The following MRRF variants were observed in gnomAD, a reference collection of about 807,000 sequenced individuals.
MRRF encodes the protein ribosome-recycling factor, mitochondrial.
A neutral mutation model predicts 25.1 loss-of-function variants in MRRF; 18 were observed. The observed-to-expected ratio is 0.72, with a 90% CI of 0.50 to 1.06. MRRF has a LOEUF of 1.06. Ranked by LOEUF, MRRF falls within the 50% of genes least tolerant of loss-of-function variation. The pLI is 0.00. For synonymous variants in MRRF, 113 were observed against 112.1 expected, an observed-to-expected ratio of 1.01 and a Z score of -0.05; for missense variants, 323 against 319.3, an observed-to-expected ratio of 1.01 and a Z score of -0.09.
intron 3 of MRRF, among the ~76,000 whole-genome samples, chr9:122,284,853 G>A (rs1450477974): frequency 2.6e-5 from 4 of 152,092 alleles, no homozygotes; most frequent in Admixed American, 6.5e-5. Flanking sequence ...TGGCCAGTAC[G>A]GCTCACTGTA....
intron 5 of MRRF, among the ~76,000 whole-genome samples, chr9:122,298,005 T>C (rs1235573056): frequency 2.6e-5 from 4 of 152,202 alleles, no homozygotes; most frequent in Non-Finnish European, 4.4e-5. Flanking sequence ...TACTCTATGA[T>C]TGAACTCACT....
chr9:122,306,262 G>A (rs1363828068), intron 5 of MRRF, among the ~76,000 whole-genome samples: 1 of 152,070 alleles, frequency 6.6e-6, no homozygotes, highest in Non-Finnish European at 1.5e-5. Context: ...ATCCTGTATG[G>A]CCTCCCTCAT....
chr9:122,276,564 G>A (rs148655939), intron 2 of MRRF, among the ~76,000 whole-genome samples: 6 of 152,292 alleles, frequency 3.9e-5, no homozygotes, highest in African/African-American at 1.4e-4. Context: ...AGTGTTTAAA[G>A]TTTTTCAAAC....
intron 4 of MRRF, among the ~76,000 whole-genome samples, chr9:122,290,396 C>T (rs974108643): frequency 6.6e-6 from 1 of 152,180 alleles, no homozygotes; most frequent in Non-Finnish European, 1.5e-5. Flanking sequence ...TAAGAATGTA[C>T]TATTTTAGGT....
At chr9:122,322,260 G>T (rs1449226169) in intron 6 of MRRF, among the ~76,000 whole-genome samples, 2 of 152,084 alleles carry the variant, frequency 1.3e-5, no homozygotes, top group African/African-American at 4.8e-5. Context: ...CTACTCGGGA[G>T]GCTGAGGCAG....
chr9:122,297,016 A>G (rs1236528520), intron 5 of MRRF, among the ~76,000 whole-genome samples: 2 of 152,198 alleles, frequency 1.3e-5, no homozygotes, highest in African/African-American at 4.8e-5. Context: ...ATAAAATTAC[A>G]TAAAATATTT....
intron 3 of MRRF, 79 bp downstream of exon 3, chr9:122,280,677 G>C (rs181007617): frequency 7.0e-7 from 1 of 1,438,324 alleles, no homozygotes; most frequent in African/African-American, 1.4e-5. Flanking sequence ...TTTAGTCCCA[G>C]CTTTGCCATT....
At chr9:122,301,335 G>A (rs1008353755) in intron 5 of MRRF, among the ~76,000 whole-genome samples, 1 of 152,212 alleles carries the variant, frequency 6.6e-6, no homozygotes, top group African/African-American at 2.4e-5. Flanking sequence ...CCAGGCTGAG[G>A]TAAATGTGGA....
chr9:122,274,588 A>T (rs1411982201), intron 2 of MRRF, among the ~76,000 whole-genome samples: 1 of 142,928 alleles, frequency 7.0e-6, no homozygotes, highest in African/African-American at 2.6e-5. Flanking sequence ...GTAGACTTTA[A>T]ATCATAGAAT....
At chr9:122,303,298 A>ATATG (rs1470614857) in intron 5 of MRRF, among the ~76,000 whole-genome samples, 1 of 150,552 alleles carries the variant, frequency 6.6e-6, no homozygotes, top group African/African-American at 2.4e-5. Flanking sequence ...ATATATATAT[A>ATATG]TATATTTAGT....
chr9:122,321,285 G>C (rs1038580397), intron 6 of MRRF, among the ~76,000 whole-genome samples: 2 of 152,128 alleles, frequency 1.3e-5, no homozygotes, highest in African/African-American at 4.8e-5. Context: ...GATAATGTGA[G>C]CGTGTTTCCA....
chr9:122,271,165 T>C (rs1164471687), intron 2 of MRRF, 90 bp downstream of exon 2: 2 of 1,112,948 alleles, frequency 1.8e-6, no homozygotes, highest in Admixed American at 3.4e-5. Flanking sequence ...ATGTACTGAA[T>C]TTCTCCCCTT....
Position 122,264,935 on chromosome 9 carries a change from G to A in MRRF, c.-32G>A, listed in dbSNP as rs1831957449. The A allele has an allele frequency of 6.5e-6, 1 of 153,224 alleles. No homozygotes were observed. The highest frequency in any genetic ancestry group is 2.1e-4 in the South Asian group (1 of 4,838). 9.5% of individuals were successfully genotyped at this position (153,224 alleles called of 1,614,324 possible). On this transcript the variant is annotated 5_prime_UTR_variant, in exon 1 of 7. Transcript: ENST00000344641. ...TCTTTCCTTAGTAACCTGGGCGATA[G>A]CTGGTGAGTGTCCTTGACAGGGCCT...
chr9:122,308,493 G>A (rs1004912757), intron 5 of MRRF, among the ~76,000 whole-genome samples: 1 of 150,678 alleles, frequency 6.6e-6, no homozygotes, highest in African/African-American at 2.4e-5. Flanking sequence ...AAGATCAGGA[G>A]TTCGTGACCA....
intron 2 of MRRF, among the ~76,000 whole-genome samples, chr9:122,274,565 TG>T (rs1832665373): frequency 6.6e-6 from 1 of 151,064 alleles, no homozygotes; most frequent in Non-Finnish European, 1.5e-5. Context: ...TGTGTGTGTG[TG>T]TGTGTGTGTA....
chr9:122,268,827 C>T (rs531108826), intron 1 of MRRF, among the ~76,000 whole-genome samples: 5 of 152,216 alleles, frequency 3.3e-5, no homozygotes, highest in South Asian at 2.1e-4. Flanking sequence ...AATTCCATCG[C>T]GAGAAATGAT....
chr9:122,295,258 CT>C (rs1004607209), intron 5 of MRRF, among the ~76,000 whole-genome samples: 1 of 152,148 alleles, frequency 6.6e-6, no homozygotes, highest in East Asian at 1.9e-4. Context: ...CCATCATCCC[CT>C]TTCACAAATA....
At chr9:122,286,931 C>T (rs1448294314) in intron 4 of MRRF, among the ~76,000 whole-genome samples, 1 of 152,160 alleles carries the variant, frequency 6.6e-6, no homozygotes, top group African/African-American at 2.4e-5. Context: ...CACTGTCATC[C>T]TTGTACAATG....
Position 122,313,321 on chromosome 9 carries a change from A to G in MRRF, c.646A>G (p.Met216Val), listed in dbSNP as rs2297483. 3,096 of 1,614,156 alleles carry G rather than the reference A, an allele frequency of 1.9e-3. 58 individuals carry two copies. In the Admixed American group the frequency reaches 0.032, roughly 17 times the overall value. The change falls in exon 6 of 7, where the codon ATG becomes GTG. Residue 216 changes from methionine (M) to valine (V), a missense_variant. By Grantham distance (21) the Met-to-Val change is conservative. Transcript: ENST00000344641. Reference protein sequence around the residue: ...DSLRKVRTNSMNKLKKSKDTV... With the variant: ...DSLRKVRTNSVNKLKKSKDTV... ...TTTACGGAAGGTTCGCACCAACTCAATGAACAAGCTGAAGAAATCCAAGGA... is the reference window on the plus strand; with the variant it reads ...TTTACGGAAGGTTCGCACCAACTCAGTGAACAAGCTGAAGAAATCCAAGGA...
Sources: allele counts gnomAD v4.1 joint callset (sites outside exome capture counted in the v4.1 genomes callset), GRCh38; gene constraint gnomAD v4.1.1; transcripts MANE v1.5; gene names NCBI Gene and HGNC (gene_info 2026-07-23, HGNC 2026-07-21).